Variants in SLC3A1 observed in about 807,000 individuals in gnomAD.
SLC3A1 encodes the protein solute carrier family 3 member 1.
In SLC3A1, 78 loss-of-function variants were observed where a neutral mutation model predicts 60.3. The ratio of observed to expected loss-of-function variants is 1.29; its 90% confidence interval spans 1.08 to 1.56. The LOEUF is 1.56. SLC3A1 is among the 40% of genes most tolerant of loss of function. The probability of loss-of-function intolerance (pLI) is 0.00; values close to 1 mark genes in which losing one functional copy is unlikely to be tolerated. For synonymous variants in SLC3A1, 392 were observed against 307.9 expected (o/e 1.27, Z -2.86); for missense variants, 1,172 against 858.9 (o/e 1.36, Z -4.56).
chr2:44,289,606 GTTT>G (rs997448987), intron 4 of SLC3A1, among the ~76,000 whole-genome samples: 3 of 151,738 alleles, frequency 2.0e-5, no homozygotes, highest in Admixed American at 6.6e-5. Flanking sequence ...AAGCACAAGC[GTTT>G]TTAATTTTGA....
chr2:44,295,896 C>T (rs1336428659), intron 4 of SLC3A1, among the ~76,000 whole-genome samples: 1 of 152,204 alleles, frequency 6.6e-6, no homozygotes, highest in Non-Finnish European at 1.5e-5. Flanking sequence ...AACAGCACCA[C>T]CTGGGTGTGG....
intron 9 of SLC3A1, chr2:44,316,584 C>G (rs1334704876): frequency 2.6e-5 from 4 of 151,986 alleles, no homozygotes; most frequent in African/African-American, 7.3e-5. Context: ...AATACATAAC[C>G]CAGAGATAAA....
At chr2:44,300,674 A>G (rs557113273) in intron 5 of SLC3A1, among the ~76,000 whole-genome samples, 1 of 152,352 alleles carries the variant, frequency 6.6e-6, no homozygotes, top group Admixed American at 6.5e-5. Context: ...AATGAGCTCT[A>G]TAACCACTAA....
intron 3 of SLC3A1, among the ~76,000 whole-genome samples, chr2:44,282,429 C>T (rs973708963): frequency 2.0e-4 from 30 of 151,938 alleles, no homozygotes; most frequent in African/African-American, 7.0e-4. Flanking sequence ...CAGCAGCAAA[C>T]TCGACTTCAC....
chr2:44,310,684 T>A (rs1156314236), intron 7 of SLC3A1, among the ~76,000 whole-genome samples: 2 of 151,826 alleles, frequency 1.3e-5, no homozygotes, highest in African/African-American at 4.8e-5. Flanking sequence ...TTTGGGAAGT[T>A]GTTGGCTATT....
At chr2:44,321,877 GAAT>G (rs777599665), downstream of SLC3A1, 7 of 1,613,378 alleles carry the variant, frequency 4.3e-6, no homozygotes, top group East Asian at 8.9e-5. Flanking sequence ...TGAATATCTA[GAAT>G]AATATTAGGG....
In SLC3A1 at chr2:44,321,177, G is replaced by A; in HGVS notation, c.*538G>A. On this transcript the variant is annotated 3_prime_UTR_variant, in exon 10 of 10. Coordinates refer to ENST00000260649, the MANE Select transcript of SLC3A1 (RefSeq NM_000341.4). ...TAGGTTAATGGGCATGTGCATCAAT[G>A]GAGAGAATAGTATAAGCAAGTGAGA... The A allele has an allele frequency of 3.4e-6, 2 of 596,832 alleles. No homozygotes were observed. Among genetic ancestry groups the A allele is most frequent in the Non-Finnish European group, 6.0e-6 (2 of 333,512 alleles). 37.0% of individuals were successfully genotyped at this position (596,832 alleles called of 1,614,324 possible).
Position 44,275,748 on chromosome 2 carries a change from G to A in SLC3A1, c.213G>A (p.Glu71=), listed in dbSNP as rs146172300. 4 of 1,614,156 alleles carry A rather than the reference G, an allele frequency of 2.5e-6. No homozygotes were observed. The highest frequency in any genetic ancestry group is 1.7e-5 in the Admixed American group (1 of 60,012). Reference sequence around the variant, plus strand: ...AGCCCTATGCGGGGATGCCCAAGGAGGTGCTGTTCCAGTTCTCTGGCCAGG... The same window carrying A: ...AGCCCTATGCGGGGATGCCCAAGGAAGTGCTGTTCCAGTTCTCTGGCCAGG... ...GVQPYAGMPK[E]VLFQFSGQAR... The change falls in exon 1 of 10, where the codon GAG becomes GAA. Residue 71 remains glutamate (E), a synonymous_variant. Transcript: ENST00000260649.
chr2:44,315,518 A>G (rs62135162), intron 9 of SLC3A1, among the ~76,000 whole-genome samples: 2 of 133,446 alleles, frequency 1.5e-5, no homozygotes, highest in African/African-American at 2.8e-5. Flanking sequence ...AAAAAAAAAA[A>G]GGGAAATTAG....
At position 44,312,614 on chromosome 2, in the gene SLC3A1, C is replaced by G. The variant is rs1224274886; in HGVS notation, c.1361C>G (p.Thr454Ser). The change falls in exon 8 of 10, where the codon ACT (threonine) becomes AGT (serine). Residue 454 changes from threonine (T) to serine (S), a missense_variant. Physicochemically the swap from Thr to Ser is moderately conservative, Grantham distance 58 (BLOSUM62 1). Coordinates refer to ENST00000260649, the MANE Select transcript of SLC3A1 (RefSeq NM_000341.4). ...GGTGGACCAGACAGTTCACGGCTGA[C>G]TTCGCGTTTGGGGAATCAGTATGTC... is the stretch of plus-strand genomic sequence containing the variant. The part of the protein sequence containing the change: ...MIGGPDSSRL[T>S]SRLGNQYVNV... 1.2e-6 allele frequency: 2 copies of G among 1,613,860 alleles called. No individual in the cohort carries two copies. The highest frequency in any genetic ancestry group is 1.3e-5 in the African/African-American group (1 of 74,894).
At chr2:44,281,101 CT>C (rs1344993913) in intron 2 of SLC3A1, among the ~76,000 whole-genome samples, 3 of 143,414 alleles carry the variant, frequency 2.1e-5, no homozygotes, top group Admixed American at 7.2e-5. Flanking sequence ...TTCTCCTTTC[CT>C]TTTTCCTTCC....
intron 9 of SLC3A1, among the ~76,000 whole-genome samples, chr2:44,315,653 CAAAA>C (rs70965350): frequency 5.7e-5 from 3 of 52,626 alleles, no homozygotes; most frequent in African/African-American, 2.4e-4. Context: ...AAGACCGCCT[CAAAA>C]AAAAAAAAAA....
rs1672899372 is a variant in SLC3A1 at position 44,321,085 on chromosome 2, A to G, written c.*446A>G. On this transcript the variant is annotated 3_prime_UTR_variant, in exon 10 of 10. Coordinates refer to ENST00000260649, the MANE Select transcript of SLC3A1 (RefSeq NM_000341.4). ...TGGAAGGGAGGCCTGGAGCTCTGCT[A>G]TCACCAATCCTTCCCTTCCCTCTAC... 1 of 437,634 alleles carries G rather than the reference A, an allele frequency of 2.3e-6. No homozygotes were observed. The highest frequency in any genetic ancestry group is 4.4e-5 in the East Asian group (1 of 22,752). 27.1% of individuals were successfully genotyped at this position (437,634 alleles called of 1,614,324 possible). A position where few individuals can be genotyped will look rare whatever the true frequency, so the allele number is the denominator to read the frequency against.
In SLC3A1 at chr2:44,281,500, T is replaced by A; in HGVS notation, c.724T>A (p.Cys242Ser). 1 of 1,614,098 alleles carries A rather than the reference T, an allele frequency of 6.2e-7. No individual in the cohort carries two copies. The highest frequency in any genetic ancestry group is 8.5e-7 in the Non-Finnish European group (1 of 1,179,946). Residue 242 changes from cysteine (C) to serine (S), a missense_variant, in exon 3 of 10, where the codon TGT (cysteine) becomes AGT (serine). Physicochemically the swap from Cys to Ser is moderately radical, Grantham distance 112 (BLOSUM62 -1). Transcript: ENST00000260649. ...TACTGATTATTATATCTGGCATGAC[T>A]GTACCCATGAAAATGGCAAAACCAT... ...KYTDYYIWHD[C>S]THENGKTIPP...
At chr2:44,293,783 C>A (rs374117707) in intron 4 of SLC3A1, among the ~76,000 whole-genome samples, 17 of 152,222 alleles carry the variant, frequency 1.1e-4, no homozygotes, top group African/African-American at 4.1e-4. Context: ...TAAGTCAGGG[C>A]GCCGTACAGT....
At position 44,281,426 on chromosome 2, in the gene SLC3A1, G is replaced by T; in HGVS notation, c.650G>T (p.Ser217Ile). The change falls in exon 3 of 10, where the codon AGT (serine) becomes ATT (isoleucine). Residue 217 changes from serine to isoleucine, a missense_variant. Physicochemically the swap from Ser to Ile is moderately radical, Grantham distance 142. Coordinates refer to ENST00000260649, the MANE Select transcript of SLC3A1 (RefSeq NM_000341.4). The part of the protein sequence containing the change: ...LIIDFIPNHT[S>I]DKHIWFQLSR... The stretch of plus-strand genomic sequence containing the variant: ...ATCGATTTCATACCAAACCACACGA[G>T]TGATAAACATATTTGGTTTCAATTG... 1 of 1,613,470 alleles carries T rather than the reference G, an allele frequency of 6.2e-7. No homozygotes were observed. The highest frequency in any genetic ancestry group is 8.5e-7 in the Non-Finnish European group (1 of 1,179,448).
chr2:44,296,835 T>G (rs1460466485), intron 4 of SLC3A1, among the ~76,000 whole-genome samples: 1 of 152,142 alleles, frequency 6.6e-6, no homozygotes, highest in Non-Finnish European at 1.5e-5. Context: ...ATCATGGGTG[T>G]GGTTTCCTCC....
rs375725910 is a variant in SLC3A1 at position 44,280,884 on chromosome 2, T to C, written c.599T>C (p.Ile200Thr). The part of the protein sequence containing the change: ...MEDFENLVAA[I>T]HDKGLKLIID... ...GATTTTGAGAATCTGGTTGCAGCCA[T>C]ACATGATAAAGGTAAGTTGAATGGA... The change falls in exon 2 of 10, where the codon ATA (isoleucine) becomes ACA (threonine). Residue 200 changes from isoleucine (I) to threonine (T), a missense_variant. By Grantham distance (89) the Ile-to-Thr change is moderately conservative. Coordinates refer to ENST00000260649, the MANE Select transcript of SLC3A1 (RefSeq NM_000341.4). 2 of 1,613,962 alleles carry C rather than the reference T, an allele frequency of 1.2e-6. No homozygotes were observed. The highest frequency in any genetic ancestry group is 1.7e-6 in the Non-Finnish European group (2 of 1,179,950).
intron 3 of SLC3A1, chr2:44,285,666 A>G (rs1421274229): frequency 6.1e-6 from 3 of 488,126 alleles, no homozygotes. Flanking sequence ...TTTCTTCCAA[A>G]TTGACTACCA....
Sources: gnomAD v4.1 joint callset for allele counts (sites outside exome capture counted in the v4.1 genomes callset) on GRCh38, gnomAD v4.1.1 for gene constraint, MANE v1.5 for transcripts, NCBI Gene and HGNC (gene_info 2026-07-23, HGNC 2026-07-21) for gene names.